PRKCE: variants seen among roughly 807,000 people sequenced by gnomAD.
PRKCE encodes the protein protein kinase C epsilon type.
Under a neutral mutation model 85.4 loss-of-function variants are expected in PRKCE, and 16 were observed. The ratio of observed to expected loss-of-function variants is 0.19; its 90% CI spans 0.13 to 0.28. The LOEUF is 0.28. PRKCE is among the 10% of genes least tolerant of loss of function. PRKCE has a pLI of 1.00. For missense variants in PRKCE, 573 were observed against 975.2 expected, an observed-to-expected ratio of 0.59 and a Z score of 5.49; for synonymous variants, 388 against 371.5, an observed-to-expected ratio of 1.04 and a Z score of -0.51.
In PRKCE at chr2:46,083,084, T is replaced by C. The variant is rs193038771; in HGVS notation, c.1438-3124T>C. 3.1e-3 allele frequency among the ~76,000 whole-genome samples: 477 copies of C among 152,296 alleles called. 2 individuals are homozygous for C. The highest frequency in any genetic ancestry group is 4.4e-3 in the Admixed American group (68 of 15,302). ...TTCATGCCTCAGCCTCCTGAGTAGCTGGGATTACAGGCATGCGCCACCATG... is the reference window on the plus strand; with the variant it reads ...TTCATGCCTCAGCCTCCTGAGTAGCCGGGATTACAGGCATGCGCCACCATG... On this transcript the variant is annotated intron_variant, in intron 10 of 14. Transcript: ENST00000306156.
At chr2:45,699,728 A>C (rs1052711968) in intron 1 of PRKCE, among the ~76,000 whole-genome samples, 2 of 152,198 alleles carry the variant, frequency 1.3e-5, no homozygotes, top group African/African-American at 2.4e-5. Context: ...GTGTGTGCAC[A>C]GGGTAAGGTG....
chr2:45,765,656 C>G (rs543179404), intron 1 of PRKCE, among the ~76,000 whole-genome samples: 31 of 152,284 alleles, frequency 2.0e-4, no homozygotes, highest in African/African-American at 7.5e-4. Context: ...GAAAAGAGGT[C>G]AAGTAACTTG....
Position 45,697,811 on chromosome 2 carries a change from T to G in PRKCE, c.348+45363T>G, listed in dbSNP as rs1558567906. The G allele has an allele frequency of 6.6e-6, 1 of 152,626 alleles. No individual in the cohort carries two copies. The highest frequency in any genetic ancestry group is 1.5e-5 in the Non-Finnish European group (1 of 68,038). 9.5% of individuals were successfully genotyped at this position (152,626 alleles called of 1,614,324 possible). A position where few individuals can be genotyped will look rare whatever the true frequency, so the allele number is the denominator to read the frequency against. On this transcript the variant is annotated intron_variant, in intron 1 of 14. Coordinates refer to ENST00000306156, the MANE Select transcript of PRKCE (RefSeq NM_005400.3). The surrounding 1 kb of genome is among the most constrained non-coding windows in gnomAD (Gnocchi z 4.2). ...CCACCCCAATTTCCAGCAAGCTTTT[T>G]AAAATGGATTAGCACCTAGGGATTC...
At chr2:45,803,920 T>C (rs1573420999) in intron 1 of PRKCE, among the ~76,000 whole-genome samples, 2 of 152,338 alleles carry the variant, frequency 1.3e-5, no homozygotes, top group Middle Eastern at 6.8e-3. Flanking sequence ...TGTTGTTTAA[T>C]GGGCAAAGCT....
intron 2 of PRKCE, among the ~76,000 whole-genome samples, chr2:45,868,654 T>G (rs2105729008): frequency 1.3e-5 from 2 of 150,022 alleles, no homozygotes. Context: ...CTGGTAGGGC[T>G]GGGCACAGTG....
intron 1 of PRKCE, among the ~76,000 whole-genome samples, chr2:45,764,819 A>G (rs187535220): frequency 6.6e-6 from 1 of 152,208 alleles, no homozygotes; most frequent in East Asian, 1.9e-4. Flanking sequence ...CTATATATAT[A>G]TTTTAAACCC....
At chr2:45,979,918 G>A (rs1293462700) in intron 4 of PRKCE, among the ~76,000 whole-genome samples, 1 of 152,088 alleles carries the variant, frequency 6.6e-6, no homozygotes, top group African/African-American at 2.4e-5. Context: ...ACCCTGCATG[G>A]TCCCGAGTGG....
intron 2 of PRKCE, among the ~76,000 whole-genome samples, chr2:45,850,315 G>A (rs1264892411): frequency 6.6e-6 from 1 of 152,188 alleles, no homozygotes; most frequent in Non-Finnish European, 1.5e-5. Flanking sequence ...TTGGAAAGGT[G>A]GATTTCTAAT....
At chr2:45,668,065 G>A (rs1048472746) in intron 1 of PRKCE, among the ~76,000 whole-genome samples, 1 of 152,196 alleles carries the variant, frequency 6.6e-6, no homozygotes, top group African/African-American at 2.4e-5. Context: ...TCACGGCTGG[G>A]CACGGTGGCT....
At chr2:45,867,425 T>G (rs1693699172) in intron 2 of PRKCE, among the ~76,000 whole-genome samples, 2 of 152,214 alleles carry the variant, frequency 1.3e-5, no homozygotes, top group Admixed American at 1.3e-4. Context: ...AGGTTATTTG[T>G]ATTTTACCTG....
At chr2:46,056,548 A>G (rs935855456) in intron 10 of PRKCE, among the ~76,000 whole-genome samples, 1 of 152,254 alleles carries the variant, frequency 6.6e-6, no homozygotes, top group Non-Finnish European at 1.5e-5. Context: ...GTTGATTAAG[A>G]TAAAAATTGT....
At chr2:45,814,032 C>T (rs1280186773) in intron 1 of PRKCE, among the ~76,000 whole-genome samples, 1 of 152,084 alleles carries the variant, frequency 6.6e-6, no homozygotes, top group Non-Finnish European at 1.5e-5. Context: ...AGAGAAGCCC[C>T]CACCTCCGGT....
intron 1 of PRKCE, among the ~76,000 whole-genome samples, chr2:45,810,774 C>CA (rs932748928): frequency 3.9e-5 from 6 of 152,130 alleles, no homozygotes; most frequent in Non-Finnish European, 8.8e-5. Context: ...TTTGTAGAGA[C>CA]AAAATCTAAC....
chr2:46,084,127 G>A (rs1403028198), intron 10 of PRKCE, among the ~76,000 whole-genome samples: 2 of 152,194 alleles, frequency 1.3e-5, no homozygotes, highest in Non-Finnish European at 1.5e-5. Context: ...TTACAAAATT[G>A]TACTCTGGGG....
At position 45,738,658 on chromosome 2, in the gene PRKCE, G is replaced by A. The variant is rs908946546; in HGVS notation, c.348+86210G>A. On this transcript the variant is annotated intron_variant, in intron 1 of 14. Transcript: ENST00000306156. ...GTACTGAATTTGAGCATCTTGGGAAGGATCAGTGTGAGTTTCTATGAGGGC... is the reference window on the plus strand; with the variant it reads ...GTACTGAATTTGAGCATCTTGGGAAAGATCAGTGTGAGTTTCTATGAGGGC... Among the ~76,000 whole-genome samples the A allele has an allele frequency of 2.0e-5, 3 of 152,334 alleles. 1 individual carries two copies. Among genetic ancestry groups the A allele is most frequent in the Middle Eastern group, 3.4e-3 (1 of 294 alleles).
At chr2:45,797,637 CT>C (rs1248466167) in intron 1 of PRKCE, among the ~76,000 whole-genome samples, 2 of 152,208 alleles carry the variant, frequency 1.3e-5, no homozygotes, top group Admixed American at 1.3e-4. Context: ...ACTGACCTGT[CT>C]TTGGTTGGGG....
At chr2:45,691,823 A>G (rs1012894809) in intron 1 of PRKCE, among the ~76,000 whole-genome samples, 15 of 152,222 alleles carry the variant, frequency 9.9e-5, no homozygotes, top group Admixed American at 3.9e-4. Context: ...GGACACCTGC[A>G]GGCCCAGCCA....
intron 1 of PRKCE, among the ~76,000 whole-genome samples, chr2:45,833,138 C>CAAAAAA (rs35838849): frequency 8.3e-6 from 1 of 120,184 alleles, no homozygotes; most frequent in African/African-American, 3.1e-5. Flanking sequence ...GGCAACATGG[C>CAAAAAA]AAAAAAAAAA....
At chr2:45,873,196 G>A (rs147611502) in intron 2 of PRKCE, among the ~76,000 whole-genome samples, 2 of 152,280 alleles carry the variant, frequency 1.3e-5, no homozygotes, top group East Asian at 1.9e-4. Flanking sequence ...TTCCTGGAGT[G>A]AAGCTTAAGA....
Sources: allele counts gnomAD v4.1 joint callset (sites outside exome capture counted in the v4.1 genomes callset), GRCh38; gene constraint gnomAD v4.1.1; non-coding constraint Gnocchi (gnomAD v3.1); transcripts MANE v1.5; gene names NCBI Gene and HGNC (gene_info 2026-07-23, HGNC 2026-07-21).